The following PDE3A variants were observed in gnomAD, a reference collection of about 807,000 sequenced individuals.
The protein encoded by PDE3A is phosphodiesterase 3A, also known as cGMP-inhibited 3',5'-cyclic phosphodiesterase 3A.
Under a neutral mutation model 98.3 loss-of-function variants are expected in PDE3A, and 43 were observed. The ratio of observed to expected loss-of-function variants is 0.44; its 90% CI spans 0.34 to 0.56. PDE3A has a LOEUF of 0.56. Among genes scored for constraint, PDE3A ranks in the 20% least tolerant of loss-of-function variants. The pLI is 0.01. For synonymous variants in PDE3A, 663 were observed against 567.9 expected (o/e 1.17, Z -2.38); for missense variants, 1,427 against 1,440.7 (o/e 0.99, Z 0.15).
At chr12:20,667,990 C>T (rs561061192) in intron 15 of PDE3A, among the ~76,000 whole-genome samples, 100 of 152,222 alleles carry the variant, frequency 6.6e-4, no homozygotes, top group Admixed American at 1.7e-3. Flanking sequence ...AGTGGGTGCG[C>T]GCACCGTGCG....
At chr12:20,500,222 T>G (rs1486029297) in intron 1 of PDE3A, among the ~76,000 whole-genome samples, 1 of 152,204 alleles carries the variant, frequency 6.6e-6, no homozygotes. Flanking sequence ...AGAGTTTTCC[T>G]GTAAGTCAAG....
intron 2 of PDE3A, among the ~76,000 whole-genome samples, chr12:20,568,578 A>C (rs1387823220): frequency 1.3e-5 from 2 of 151,966 alleles, no homozygotes; most frequent in Non-Finnish European, 2.9e-5. Context: ...CAAATTGTTG[A>C]ACCCGTCTCT....
intron 2 of PDE3A, among the ~76,000 whole-genome samples, chr12:20,574,278 T>C (rs1258771707): frequency 6.6e-6 from 1 of 152,128 alleles, no homozygotes; most frequent in Admixed American, 6.6e-5. Context: ...TAAGTTTTTC[T>C]GGAATTTCAT....
chr12:20,478,348 TA>T lies in PDE3A; in HGVS notation c.961-78310del, dbSNP rs528110676. On this transcript the variant is annotated intron_variant, in intron 1 of 15. Transcript: ENST00000359062. ...AGCTGCAGTTGTAATCAGGCATACA[TA>T]ACCTAGGCAGCCATTTACATTTTAT... Among the ~76,000 whole-genome samples the T allele has an allele frequency of 2.5e-3, 387 of 152,298 alleles. 3 individuals carry two copies. The highest frequency in any genetic ancestry group is 8.9e-3 in the African/African-American group (369 of 41,564).
intron 1 of PDE3A, among the ~76,000 whole-genome samples, chr12:20,420,273 C>A (rs1009358659): frequency 6.6e-5 from 10 of 152,094 alleles, no homozygotes; most frequent in African/African-American, 2.4e-4. Context: ...TTCTTGGCAA[C>A]TTGGTAGGGA....
At chr12:20,515,205 C>T (rs1361166320) in intron 1 of PDE3A, among the ~76,000 whole-genome samples, 2 of 152,158 alleles carry the variant, frequency 1.3e-5, no homozygotes. Context: ...AACCATAGCA[C>T]TTTATTAGAA....
chr12:20,551,604 G>A (rs1181026389), intron 1 of PDE3A: 30 of 1,559,778 alleles, frequency 1.9e-5, no homozygotes, highest in Middle Eastern at 2.2e-4. Flanking sequence ...GGGGCCGGCA[G>A]GACCCCGACA....
chr12:20,462,018 T>C (rs558625474), intron 1 of PDE3A, among the ~76,000 whole-genome samples: 2 of 152,246 alleles, frequency 1.3e-5, no homozygotes, highest in Non-Finnish European at 2.9e-5. Context: ...ATGTCTCACT[T>C]TGGGTGCTAC....
In PDE3A at chr12:20,685,203, G is replaced by C. The variant is rs191671537; in HGVS notation, c.*4932G>C. On this transcript the variant is annotated 3_prime_UTR_variant, in exon 16 of 16. Transcript: ENST00000359062. ...CAAGGCTGGTGGATCACCTGAGGTC[G>C]GGAGTTCGACACCAGCCTGACCAAC... Among the ~76,000 whole-genome samples, 1 of 151,806 alleles carries C rather than the reference G, an allele frequency of 6.6e-6. No individual in the cohort carries two copies. Among genetic ancestry groups the C allele is most frequent in the Non-Finnish European group, 1.5e-5 (1 of 67,930 alleles).
chr12:20,614,776 T>TAATA (rs1414929628), intron 3 of PDE3A, among the ~76,000 whole-genome samples: 2 of 152,172 alleles, frequency 1.3e-5, no homozygotes, highest in Non-Finnish European at 2.9e-5. Flanking sequence ...GGAAACTATT[T>TAATA]AATATCAGAG....
At chr12:20,395,358 A>G (rs1943990385) in intron 1 of PDE3A, among the ~76,000 whole-genome samples, 1 of 151,820 alleles carries the variant, frequency 6.6e-6, no homozygotes, top group Non-Finnish European at 1.5e-5. Flanking sequence ...TTATATGGTT[A>G]TACAGAGAGT....
intron 1 of PDE3A, among the ~76,000 whole-genome samples, chr12:20,397,398 C>A (rs900159516): frequency 2.6e-5 from 4 of 151,932 alleles, no homozygotes; most frequent in Non-Finnish European, 5.9e-5. Context: ...TCTCAATAAA[C>A]GTTTTGAGCC....
chr12:20,589,100 T>C (rs929178781), intron 2 of PDE3A, among the ~76,000 whole-genome samples: 1 of 151,958 alleles, frequency 6.6e-6, no homozygotes, highest in South Asian at 2.1e-4. Context: ...TTTTTAAATA[T>C]TTTTTAGTAG....
intron 5 of PDE3A, among the ~76,000 whole-genome samples, chr12:20,629,584 T>C (rs570012615): frequency 1.4e-4 from 21 of 152,330 alleles, no homozygotes; most frequent in African/African-American, 5.1e-4. Context: ...ATTATTTCCA[T>C]GTCAGAATGA....
At chr12:20,473,915 T>C (rs990374454) in intron 1 of PDE3A, among the ~76,000 whole-genome samples, 2 of 152,200 alleles carry the variant, frequency 1.3e-5, no homozygotes, top group Non-Finnish European at 2.9e-5. Flanking sequence ...TTCAATACTT[T>C]TTTGAATATT....
chr12:20,392,269 A>T (rs557312794), intron 1 of PDE3A, among the ~76,000 whole-genome samples: 1 of 151,992 alleles, frequency 6.6e-6, no homozygotes, highest in Non-Finnish European at 1.5e-5. Flanking sequence ...ACTTCTGGTG[A>T]TTTATGTATA....
At chr12:20,608,010 C>T (rs1033702545) in intron 2 of PDE3A, among the ~76,000 whole-genome samples, 4 of 152,022 alleles carry the variant, frequency 2.6e-5, no homozygotes, top group African/African-American at 4.8e-5. Flanking sequence ...GTGTGAATCA[C>T]ACAATTTTTT....
chr12:20,427,745 A>G (rs1420868150), intron 1 of PDE3A, among the ~76,000 whole-genome samples: 1 of 152,114 alleles, frequency 6.6e-6, no homozygotes, highest in East Asian at 1.9e-4. Flanking sequence ...ACTATGTAAA[A>G]AGTAAAGAAG....
At chr12:20,582,815 T>C (rs1943102243) in intron 2 of PDE3A, among the ~76,000 whole-genome samples, 1 of 152,180 alleles carries the variant, frequency 6.6e-6, no homozygotes, top group African/African-American at 2.4e-5. Flanking sequence ...CAATTTATGA[T>C]GGAGTATAGA....
Sources: gnomAD v4.1 joint callset for allele counts (sites outside exome capture counted in the v4.1 genomes callset) on GRCh38, gnomAD v4.1.1 for gene constraint, MANE v1.5 for transcripts, NCBI Gene and HGNC (gene_info 2026-07-23, HGNC 2026-07-21) for gene names.